Variants in SGCD observed in about 807,000 individuals in gnomAD.
The protein encoded by SGCD is delta-sarcoglycan.
Under a neutral mutation model 36.6 loss-of-function variants are expected in SGCD, and 18 were observed. That is an observed-to-expected ratio of 0.49 (90% CI 0.34 to 0.73). The LOEUF is 0.73. SGCD is among the 30% of genes least tolerant of loss of function. The pLI is 0.01. For missense variants in SGCD, 387 were observed against 346.7 expected (o/e 1.12, Z -0.92); for synonymous variants, 133 against 130.6 (o/e 1.02, Z -0.12).
At position 156,250,748 on chromosome 5, in the gene SGCD, T is replaced by G. The variant is rs376730314; in HGVS notation, c.-43-78786T>G. 7.2e-5 allele frequency among the ~76,000 whole-genome samples: 11 copies of G among 152,148 alleles called. No homozygotes were observed. The South Asian group carries it at 2.1e-3, about 29-fold the overall frequency. On this transcript the variant is annotated intron_variant, in intron 3 of 9. Coordinates refer to the SGCD transcript ENST00000517913. ...TTATTAACTGACACAGAACTGTCAGTTGGGAGTTAGCGATCAGGGAAAATT... is the reference window on the plus strand; with the variant it reads ...TTATTAACTGACACAGAACTGTCAGGTGGGAGTTAGCGATCAGGGAAAATT...
chr5:156,329,162 G>C (rs1264199089), intron 1 of SGCD, among the ~76,000 whole-genome samples: 1 of 152,148 alleles, frequency 6.6e-6, no homozygotes, highest in Non-Finnish European at 1.5e-5. Flanking sequence ...AAGGGGGAAG[G>C]ATACAGAGGA....
chr5:156,575,513 C>G (rs1759903303), intron 4 of SGCD, among the ~76,000 whole-genome samples: 1 of 152,262 alleles, frequency 6.6e-6, no homozygotes, highest in South Asian at 2.1e-4. Flanking sequence ...AAGTTGTGCT[C>G]CACACTCAGC....
intron 1 of SGCD, among the ~76,000 whole-genome samples, chr5:155,907,801 T>C (rs1041160393): frequency 2.0e-5 from 3 of 152,130 alleles, no homozygotes; most frequent in Non-Finnish European, 2.9e-5. Context: ...TTTAGAATGG[T>C]ACAGAAACTT....
At chr5:156,071,392 A>G (rs1760557417) in intron 1 of SGCD, among the ~76,000 whole-genome samples, 1 of 152,188 alleles carries the variant, frequency 6.6e-6, no homozygotes, top group Non-Finnish European at 1.5e-5. Flanking sequence ...TGATGTACCC[A>G]GTAGTCATTC....
chr5:156,031,673 T>G (rs1759350508), intron 1 of SGCD, among the ~76,000 whole-genome samples: 1 of 152,220 alleles, frequency 6.6e-6, no homozygotes, highest in South Asian at 2.1e-4. Context: ...CTAAGATTTA[T>G]CAAGTGTATG....
intron 3 of SGCD, among the ~76,000 whole-genome samples, chr5:156,295,686 G>A (rs1047111769): frequency 6.6e-6 from 1 of 152,226 alleles, no homozygotes; most frequent in African/African-American, 2.4e-5. Flanking sequence ...TATCCTAGCA[G>A]ATGGCCTAAC....
At chr5:156,218,232 A>G (rs1241745433) in intron 3 of SGCD, among the ~76,000 whole-genome samples, 1 of 152,200 alleles carries the variant, frequency 6.6e-6, no homozygotes, top group East Asian at 1.9e-4. Flanking sequence ...AGCCTGGGCA[A>G]CAGAGCGAGA....
chr5:156,474,142 G>T (rs891044185), intron 3 of SGCD, among the ~76,000 whole-genome samples: 4 of 152,234 alleles, frequency 2.6e-5, no homozygotes, highest in African/African-American at 4.8e-5. Flanking sequence ...ATGGGTAGGG[G>T]TTGGCATGGC....
intron 3 of SGCD, among the ~76,000 whole-genome samples, chr5:156,461,984 A>G (rs1390374763): frequency 6.6e-6 from 1 of 152,208 alleles, no homozygotes; most frequent in Non-Finnish European, 1.5e-5. Flanking sequence ...AGGCCAGAGG[A>G]AGAAGTATGA....
intron 3 of SGCD, among the ~76,000 whole-genome samples, chr5:156,281,724 TG>T (rs2127673470): frequency 6.6e-6 from 1 of 152,272 alleles, no homozygotes; most frequent in Non-Finnish European, 1.5e-5. Flanking sequence ...ATATGGAGTG[TG>T]TATGTGTGCC....
intron 1 of SGCD, among the ~76,000 whole-genome samples, chr5:155,906,367 T>C (rs1385572947): frequency 6.6e-6 from 1 of 152,122 alleles, no homozygotes; most frequent in Admixed American, 6.6e-5. Flanking sequence ...GAGTTGCATG[T>C]CTCACATTTT....
Position 156,571,288 on chromosome 5 carries a change from C to T in SGCD, c.295-17943C>T, listed in dbSNP as rs550930890. Among the ~76,000 whole-genome samples the T allele has an allele frequency of 3.6e-4, 55 of 152,236 alleles. 1 individual carries two copies. The South Asian group carries it at 7.7e-3, about 21-fold the overall frequency. On this transcript the variant is annotated intron_variant, in intron 4 of 8. Transcript: ENST00000337851. ...CTTTAACTCCTGACCTCAAGTGATCCGCCTGCCTGGGCCTCCCAAAGTGCT... is the reference window on the plus strand; with the variant it reads ...CTTTAACTCCTGACCTCAAGTGATCTGCCTGCCTGGGCCTCCCAAAGTGCT...
chr5:156,245,351 T>C (rs1765415055), intron 3 of SGCD, among the ~76,000 whole-genome samples: 1 of 152,160 alleles, frequency 6.6e-6, no homozygotes, highest in Admixed American at 6.6e-5. Context: ...GATAGGAAAA[T>C]GCCAGCTAAT....
rs57618149 is a variant in SGCD at position 156,313,980 on chromosome 5, G to A, written c.-43-15554G>A. Among the ~76,000 whole-genome samples, 1,008 of 151,460 alleles carry A rather than the reference G, an allele frequency of 6.7e-3. 14 individuals are homozygous for A. The highest frequency in any genetic ancestry group is 0.023 in the African/African-American group (930 of 41,302). The stretch of plus-strand genomic sequence containing the variant: ...CTTTTCTATTATCACCTTTTTATAC[G>A]TCCTGAAAATCTTAGCCCACAATTC... On this transcript the variant is annotated intron_variant, in intron 3 of 9. Coordinates refer to the SGCD transcript ENST00000517913.
At chr5:156,068,632 A>C (rs970460063) in intron 1 of SGCD, among the ~76,000 whole-genome samples, 1 of 151,802 alleles carries the variant, frequency 6.6e-6, no homozygotes, top group Non-Finnish European at 1.5e-5. Flanking sequence ...CTTTGGGTAT[A>C]TACCCAGTAA....
At chr5:156,566,129 A>G (rs112146477) in intron 4 of SGCD, among the ~76,000 whole-genome samples, 44,504 of 152,078 alleles carry the variant, frequency 0.29, 6,793 homozygotes, top group Non-Finnish European at 0.34. Flanking sequence ...AGAAATGCAA[A>G]TCAAAACCAC....
intron 3 of SGCD, among the ~76,000 whole-genome samples, chr5:156,167,585 C>T (rs549621879): frequency 6.6e-6 from 1 of 152,224 alleles, no homozygotes; most frequent in Non-Finnish European, 1.5e-5. Context: ...CTTGGTGCCA[C>T]CTCCCTGGCA....
intron 3 of SGCD, among the ~76,000 whole-genome samples, chr5:156,284,315 C>T (rs1389080449): frequency 6.6e-6 from 1 of 152,158 alleles, no homozygotes; most frequent in Non-Finnish European, 1.5e-5. Flanking sequence ...CTCCCTAACT[C>T]ATTTGATGAG....
chr5:155,765,867 G>A, the SGCD span, among the ~76,000 whole-genome samples: 50 of 152,240 alleles, frequency 3.3e-4, no homozygotes, highest in Middle Eastern at 3.4e-3. Flanking sequence ...TGTGGTTGGC[G>A]AAGCTGAACT....
Sources: allele counts gnomAD v4.1 joint callset (sites outside exome capture counted in the v4.1 genomes callset), GRCh38; gene constraint gnomAD v4.1.1; transcripts MANE v1.5; gene names NCBI Gene and HGNC (gene_info 2026-07-23, HGNC 2026-07-21).